The following AGBL1 variants were observed in gnomAD, a reference collection of about 807,000 sequenced individuals.
The protein encoded by AGBL1 is AGBL carboxypeptidase 1.
A neutral mutation model predicts 118.9 loss-of-function variants in AGBL1; 130 were observed. The ratio of observed to expected loss-of-function variants is 1.09; its 90% CI spans 0.95 to 1.26. The LOEUF is 1.26. Among genes scored for constraint, AGBL1 ranks in the 50% most tolerant of loss-of-function variants. AGBL1 has a pLI of 0.00. For missense variants in AGBL1, 1,584 were observed against 1,298.1 expected (o/e 1.22, Z -3.38); for synonymous variants, 555 against 478.9 (o/e 1.16, Z -2.08).
Position 86,194,384 on chromosome 15 carries a change from A to C in AGBL1, c.489-30530A>C, listed in dbSNP as rs536597156. On this transcript the variant is annotated intron_variant, in intron 5 of 22. Coordinates refer to ENST00000614907, the MANE Select transcript of AGBL1 (RefSeq NM_001386094.1). ...CTACTAGAGTACAGTGTCTATGTGG[A>C]GGGCGTCTTGGGATCTTTTCTCCCA... is the stretch of plus-strand genomic sequence containing the variant. 2.6e-5 allele frequency among the ~76,000 whole-genome samples: 4 copies of C among 152,322 alleles called. No individual in the cohort carries two copies. In the South Asian group the frequency reaches 6.2e-4, roughly 24 times the overall value.
At chr15:87,014,218 A>G (rs1209481197) in intron 24 of AGBL1, among the ~76,000 whole-genome samples, 2 of 152,188 alleles carry the variant, frequency 1.3e-5, no homozygotes, top group African/African-American at 4.8e-5. Flanking sequence ...TAGTTTCTTC[A>G]TCATCACAAT....
chr15:86,511,845 T>C (rs1297603535), intron 18 of AGBL1, among the ~76,000 whole-genome samples: 2 of 151,986 alleles, frequency 1.3e-5, no homozygotes, highest in South Asian at 2.1e-4. Context: ...TCCCGTGTGA[T>C]AGGAGCTTTC....
At chr15:86,378,585 G>C (rs1344086946) in intron 17 of AGBL1, among the ~76,000 whole-genome samples, 1 of 152,138 alleles carries the variant, frequency 6.6e-6, no homozygotes, top group Non-Finnish European at 1.5e-5. Context: ...TTTCACAGGG[G>C]CTTACAAATA....
intron 5 of AGBL1, among the ~76,000 whole-genome samples, chr15:86,197,013 T>C (rs1454417844): frequency 6.6e-6 from 1 of 151,882 alleles, no homozygotes; most frequent in Non-Finnish European, 1.5e-5. Context: ...TGCCAGACCT[T>C]CTAGCCTCTA....
At chr15:86,656,396 G>T (rs188942803) in intron 21 of AGBL1, among the ~76,000 whole-genome samples, 5 of 152,106 alleles carry the variant, frequency 3.3e-5, no homozygotes, top group African/African-American at 4.8e-5. Context: ...CTTTAGGGGG[G>T]TTGCCTGCAT....
At chr15:86,188,871 T>C (rs944097978) in intron 5 of AGBL1, among the ~76,000 whole-genome samples, 8 of 152,158 alleles carry the variant, frequency 5.3e-5, no homozygotes, top group African/African-American at 1.9e-4. Context: ...ATGTTGAGGA[T>C]GAGAATGGGG....
intron 22 of AGBL1, among the ~76,000 whole-genome samples, chr15:86,808,257 C>T (rs1247606442): frequency 6.6e-6 from 1 of 152,162 alleles, no homozygotes; most frequent in African/African-American, 2.4e-5. Flanking sequence ...AGTGGTGCTT[C>T]TCCATGCTAC....
chr15:86,647,011 C>G (rs2085290376), intron 21 of AGBL1, among the ~76,000 whole-genome samples: 1 of 151,874 alleles, frequency 6.6e-6, no homozygotes, highest in Non-Finnish European at 1.5e-5. Flanking sequence ...GTTTTGTTGT[C>G]TTCTCTTATG....
rs189451967 is a variant in AGBL1, at chr15:86,669,251, C to G, written c.2995-5022C>G. On this transcript the variant is annotated intron_variant, in intron 21 of 22. Transcript: ENST00000614907. ...ATCAGGTATGATAATATAAAATAAC[C>G]ATGGTTATATGTTTTTCAGAAATGG... Among the ~76,000 whole-genome samples, 642 of 152,112 alleles carry G rather than the reference C, an allele frequency of 4.2e-3. 5 individuals are homozygous for G. The highest frequency in any genetic ancestry group is 0.014 in the African/African-American group (561 of 41,498).
chr15:86,159,773 A>G (rs1319848768), intron 5 of AGBL1, among the ~76,000 whole-genome samples: 1 of 152,064 alleles, frequency 6.6e-6, no homozygotes, highest in East Asian at 1.9e-4. Flanking sequence ...GGCAAGTAAC[A>G]TTTCCATGCC....
chr15:86,804,736 C>T (rs991930255), intron 22 of AGBL1, among the ~76,000 whole-genome samples: 3 of 152,206 alleles, frequency 2.0e-5, no homozygotes, highest in Middle Eastern at 3.4e-3. Flanking sequence ...ATGGGAAAGG[C>T]TATATGAAGC....
At chr15:86,410,817 T>G (rs1404205022) in intron 18 of AGBL1, among the ~76,000 whole-genome samples, 4 of 91,762 alleles carry the variant, frequency 4.4e-5, no homozygotes, top group Non-Finnish European at 7.9e-5. Context: ...GATATATATA[T>G]ATATATATAT....
intron 1 of AGBL1, among the ~76,000 whole-genome samples, chr15:86,119,578 T>C (rs531013064): frequency 7.0e-4 from 107 of 152,010 alleles, no homozygotes; most frequent in Non-Finnish European, 1.3e-3. Context: ...GTGGGGAGGT[T>C]AAAACTATAG....
At chr15:86,400,438 C>T (rs999310888) in intron 18 of AGBL1, among the ~76,000 whole-genome samples, 37 of 149,834 alleles carry the variant, frequency 2.5e-4, no homozygotes, top group Admixed American at 4.7e-4. Flanking sequence ...CTTTTTGTGA[C>T]GCTGTGGTCT....
intron 22 of AGBL1, among the ~76,000 whole-genome samples, chr15:86,832,732 C>T (rs1180723349): frequency 6.6e-6 from 1 of 152,218 alleles, no homozygotes; most frequent in East Asian, 1.9e-4. Flanking sequence ...AACTTTCCCA[C>T]ATCTTCCTGC....
intron 21 of AGBL1, among the ~76,000 whole-genome samples, chr15:86,585,934 A>G (rs1354134119): frequency 2.6e-5 from 4 of 152,200 alleles, no homozygotes; most frequent in African/African-American, 9.7e-5. Context: ...GAAGAAAATG[A>G]TTAAGAATAC....
At chr15:86,141,628 G>A (rs2076964973) in intron 1 of AGBL1, among the ~76,000 whole-genome samples, 1 of 152,150 alleles carries the variant, frequency 6.6e-6, no homozygotes, top group Non-Finnish European at 1.5e-5. Context: ...CCCCGCCTGG[G>A]CAACAGAGCA....
chr15:86,475,868 C>T (rs1427837514), intron 18 of AGBL1, among the ~76,000 whole-genome samples: 11 of 152,322 alleles, frequency 7.2e-5, no homozygotes, highest in African/African-American at 1.2e-4. Context: ...AGACTAACAG[C>T]GGATCTCTCA....
downstream of AGBL1, among the ~76,000 whole-genome samples, chr15:86,920,643 A>G (rs1472348822): frequency 1.3e-5 from 2 of 152,222 alleles, no homozygotes; most frequent in Non-Finnish European, 2.9e-5. Flanking sequence ...AGCATTTTAT[A>G]TACATTAATA....
Sources: allele counts gnomAD v4.1 joint callset (sites outside exome capture counted in the v4.1 genomes callset), GRCh38; gene constraint gnomAD v4.1.1; transcripts MANE v1.5; gene names NCBI Gene and HGNC (gene_info 2026-07-23, HGNC 2026-07-21).